Variants in NT5C2 observed in about 807,000 individuals in gnomAD.
NT5C2 encodes the protein cytosolic purine 5'-nucleotidase.
Under a neutral mutation model 76.1 loss-of-function variants are expected in NT5C2, and 58 were observed. That is an observed-to-expected ratio of 0.76 (90% CI 0.62 to 0.95). NT5C2 has a LOEUF of 0.95. Among genes scored for constraint, NT5C2 ranks in the 40% least tolerant of loss-of-function variants. NT5C2 has a pLI of 0.00. For synonymous variants in NT5C2, 229 were observed against 237.4 expected (o/e 0.96, Z 0.32); for missense variants, 478 against 690.3 (o/e 0.69, Z 3.45).
chr10:103,093,365 C>T, intron 14 of NT5C2, 56 bp from the exon 15 acceptor site: 4 of 1,407,838 alleles, frequency 2.8e-6, no homozygotes, highest in South Asian at 1.5e-5. Flanking sequence ...ATCAGCATTC[C>T]AATAGTATTT....
At chr10:103,161,386 C>T (rs1294244591) in intron 3 of NT5C2, among the ~76,000 whole-genome samples, 1 of 152,036 alleles carries the variant, frequency 6.6e-6, no homozygotes, top group Non-Finnish European at 1.5e-5. Context: ...CTATGTTGCC[C>T]AGGCTAGTCT....
Position 103,098,921 on chromosome 10 carries a change from T to C in NT5C2, c.687+10A>G. 1 of 1,584,536 alleles carries C rather than the reference T, an allele frequency of 6.3e-7. No homozygotes were observed. The highest frequency in any genetic ancestry group is 8.7e-7 in the Non-Finnish European group (1 of 1,154,850). Reference sequence around the variant, plus strand: ...TATTATGCAGATCTATTTTCCCCTATATTACTTACATCTTTGACTACATAC... The same window carrying C: ...TATTATGCAGATCTATTTTCCCCTACATTACTTACATCTTTGACTACATAC... On this transcript the variant is annotated intron_variant, in intron 10 of 18. Transcript: ENST00000404739.
At chr10:103,108,405 T>G (rs1188017217) in intron 4 of NT5C2, among the ~76,000 whole-genome samples, 1 of 152,236 alleles carries the variant, frequency 6.6e-6, no homozygotes, top group African/African-American at 2.4e-5. Context: ...TCTTTAGCTT[T>G]TGGCGCAAAC....
chr10:103,189,708 G>A (rs1240044560), intron 1 of NT5C2, among the ~76,000 whole-genome samples: 6 of 147,392 alleles, frequency 4.1e-5, no homozygotes, highest in Non-Finnish European at 7.4e-5. Flanking sequence ...ATGCTCTGTC[G>A]CCCAAGCTGG....
At chr10:103,153,874 G>C (rs373831807) in intron 3 of NT5C2, 1 of 772,102 alleles carries the variant, frequency 1.3e-6, no homozygotes, top group South Asian at 5.9e-5. Context: ...ATTACAGGAG[G>C]AACCTAAAGT....
At chr10:103,188,447 T>A (rs1215670208) in intron 1 of NT5C2, among the ~76,000 whole-genome samples, 3 of 152,046 alleles carry the variant, frequency 2.0e-5, no homozygotes, top group Non-Finnish European at 2.9e-5. Context: ...AACCATACAA[T>A]TTACAGAAGA....
intron 4 of NT5C2, among the ~76,000 whole-genome samples, chr10:103,118,571 C>T (rs2074943965): frequency 6.6e-6 from 1 of 152,082 alleles, no homozygotes; most frequent in African/African-American, 2.4e-5. Context: ...TCAGGCTGGT[C>T]CTGGACTCCT....
intron 12 of NT5C2, among the ~76,000 whole-genome samples, chr10:103,094,880 C>CAAA (rs35752695): frequency 3.2e-4 from 44 of 136,716 alleles, no homozygotes; most frequent in Middle Eastern, 3.8e-3. Flanking sequence ...GACTCCATCT[C>CAAA]AAAAAAAAAA....
chr10:103,183,914 T>A (rs2091660384), intron 1 of NT5C2, among the ~76,000 whole-genome samples: 1 of 152,058 alleles, frequency 6.6e-6, no homozygotes, highest in Non-Finnish European at 1.5e-5. Context: ...TCATTACCTC[T>A]CATCTTTTAA....
intron 4 of NT5C2, among the ~76,000 whole-genome samples, chr10:103,119,483 T>TAATGCACAAGTTCTATATTTTCC (rs2075200257): frequency 6.6e-6 from 1 of 152,198 alleles, no homozygotes; most frequent in Non-Finnish European, 1.5e-5. Flanking sequence ...TGGGATGAGG[T>TAATGCACAAGTTCTATATTTTCC]AATGCACAAG....
intron 4 of NT5C2, among the ~76,000 whole-genome samples, chr10:103,121,086 G>A (rs2075565785): frequency 6.6e-6 from 1 of 152,104 alleles, no homozygotes; most frequent in Non-Finnish European, 1.5e-5. Context: ...CAAATTCATA[G>A]AGACAAAATA....
intron 6 of NT5C2, 37 bp from the exon 7 acceptor site, chr10:103,101,363 A>G (rs1354256358): frequency 8.8e-7 from 1 of 1,130,728 alleles, no homozygotes; most frequent in East Asian, 2.6e-5. Flanking sequence ...GATTTTTAAA[A>G]TAACATTATA....
At chr10:103,091,533 T>C in intron 16 of NT5C2, 31 bp downstream of exon 16, 1 of 1,564,902 alleles carries the variant, frequency 6.4e-7, no homozygotes. Flanking sequence ...CCTGAGTAAG[T>C]TTTTGGGAAA....
intron 3 of NT5C2, among the ~76,000 whole-genome samples, chr10:103,168,324 C>T (rs1010972731): frequency 1.9e-4 from 29 of 152,130 alleles, no homozygotes; most frequent in African/African-American, 6.8e-4. Flanking sequence ...AATTCATTGT[C>T]CTACAGAAAT....
chr10:103,102,813 A>C, intron 6 of NT5C2, among the ~76,000 whole-genome samples: 1 of 152,066 alleles, frequency 6.6e-6, no homozygotes, highest in Non-Finnish European at 1.5e-5. Flanking sequence ...AAGTAAACTG[A>C]TTTTTATTAG....
intron 4 of NT5C2, among the ~76,000 whole-genome samples, chr10:103,132,306 G>T (rs2078345195): frequency 6.6e-6 from 1 of 151,368 alleles, no homozygotes; most frequent in African/African-American, 2.4e-5. Flanking sequence ...GATTAGAAGA[G>T]ACTAAGGAGA....
intron 6 of NT5C2, among the ~76,000 whole-genome samples, chr10:103,103,444 T>A (rs1004553080): frequency 6.6e-6 from 1 of 152,228 alleles, no homozygotes; most frequent in African/African-American, 2.4e-5. Flanking sequence ...TACAATATAC[T>A]TCCCTATTCC....
At chr10:103,182,385 C>T (rs1382913934) in intron 1 of NT5C2, among the ~76,000 whole-genome samples, 3 of 151,966 alleles carry the variant, frequency 2.0e-5, no homozygotes, top group Non-Finnish European at 1.5e-5. Flanking sequence ...ACCTGTAATC[C>T]CAGCACTTTG....
In NT5C2 at chr10:103,094,380, CAA is replaced by C. The variant is rs774051692; in HGVS notation, c.887_888del (p.Phe296TrpfsTer12). The C allele has an allele frequency of 1.2e-6, 2 of 1,612,996 alleles. No individual in the cohort carries two copies. Among genetic ancestry groups the C allele is most frequent in the Non-Finnish European group, 1.7e-6 (2 of 1,179,162 alleles). ...ACCTGACGCAGTACTGTGCCTTCTC[CAA>C]AAAAGAGTGGTTTCCGTGCATCCAC... ...ILVDARKPLFFGEGTVLRQVD... is the reference protein window; with the variant it reads ...ILVDARKPLFXGEGTVLRQVD... On this transcript the variant is annotated frameshift_variant, in exon 13 of 19. Coordinates refer to ENST00000404739, the MANE Select transcript of NT5C2 (RefSeq NM_001351169.2). LOFTEE classifies it high-confidence loss of function.
Sources: allele counts gnomAD v4.1 joint callset (sites outside exome capture counted in the v4.1 genomes callset), GRCh38; gene constraint gnomAD v4.1.1; transcripts MANE v1.5; gene names NCBI Gene and HGNC (gene_info 2026-07-23, HGNC 2026-07-21).